ZNF804A: variants seen among roughly 807,000 people sequenced by gnomAD.
ZNF804A encodes zinc finger protein 804A.
Under a neutral mutation model 16.5 loss-of-function variants are expected in ZNF804A, and 2 were observed. The ratio of observed to expected loss-of-function variants is 0.12; its 90% CI spans 0.05 to 0.38. The LOEUF is 0.38. ZNF804A is among the 10% of genes least tolerant of loss of function. The probability of loss-of-function intolerance (pLI) is 0.99; values close to 1 mark genes in which losing one functional copy is unlikely to be tolerated. For missense variants in ZNF804A, 1,473 were observed against 1,390.7 expected, an observed-to-expected ratio of 1.06 and a Z score of -0.94; for synonymous variants, 534 against 489.6, an observed-to-expected ratio of 1.09 and a Z score of -1.20.
intron 1 of ZNF804A, among the ~76,000 whole-genome samples, chr2:184,710,438 C>G (rs1693107574): frequency 1.3e-5 from 2 of 151,460 alleles, no homozygotes; most frequent in Admixed American, 6.6e-5. Flanking sequence ...TGCCTTTAAA[C>G]CACATTCTGA....
At chr2:184,793,560 T>C (rs1694585995) in intron 1 of ZNF804A, among the ~76,000 whole-genome samples, 1 of 152,108 alleles carries the variant, frequency 6.6e-6, no homozygotes, top group Non-Finnish European at 1.5e-5. Flanking sequence ...TGTTGGCCAT[T>C]TGTATGTCTA....
At chr2:184,920,279 C>T (rs1237702197) in intron 2 of ZNF804A, among the ~76,000 whole-genome samples, 1 of 152,112 alleles carries the variant, frequency 6.6e-6, no homozygotes, top group East Asian at 1.9e-4. Context: ...CTTCTTTTCC[C>T]CACTCTTTTA....
At chr2:184,653,342 A>G (rs541617120) in intron 1 of ZNF804A, among the ~76,000 whole-genome samples, 1 of 152,280 alleles carries the variant, frequency 6.6e-6, no homozygotes, top group South Asian at 2.1e-4. Context: ...ATATCCACAA[A>G]GACTGTTAGG....
At chr2:184,656,141 C>T (rs1022235454) in intron 1 of ZNF804A, among the ~76,000 whole-genome samples, 2 of 151,978 alleles carry the variant, frequency 1.3e-5, no homozygotes, top group African/African-American at 4.8e-5. Flanking sequence ...GAATTTTTAA[C>T]CCACAGAGTG....
chr2:184,617,997 A>G (rs1410454691), intron 1 of ZNF804A, among the ~76,000 whole-genome samples: 1 of 151,982 alleles, frequency 6.6e-6, no homozygotes, highest in East Asian at 1.9e-4. Context: ...TAATTTATAC[A>G]TGTCTTGTGG....
intron 1 of ZNF804A, among the ~76,000 whole-genome samples, chr2:184,829,126 T>C (rs1172489320): frequency 6.6e-6 from 1 of 151,200 alleles, no homozygotes; most frequent in East Asian, 1.9e-4. Flanking sequence ...ACATGTATCA[T>C]ATATTATTTA....
At chr2:184,786,382 A>G (rs943207457) in intron 1 of ZNF804A, among the ~76,000 whole-genome samples, 2 of 152,086 alleles carry the variant, frequency 1.3e-5, no homozygotes, top group Non-Finnish European at 2.9e-5. Context: ...GACAAAGGAT[A>G]TGAACTACAG....
intron 1 of ZNF804A, among the ~76,000 whole-genome samples, chr2:184,705,655 A>G (rs1298270740): frequency 6.6e-6 from 1 of 152,092 alleles, no homozygotes; most frequent in Non-Finnish European, 1.5e-5. Flanking sequence ...CATGATTAAT[A>G]ATTTATTTCA....
At chr2:184,917,950 C>T (rs1685477469) in intron 2 of ZNF804A, among the ~76,000 whole-genome samples, 1 of 152,114 alleles carries the variant, frequency 6.6e-6, no homozygotes, top group Admixed American at 6.6e-5. Context: ...TTATCCTCAA[C>T]AAGCACCTCA....
chr2:184,802,784 T>G (rs924015046), intron 1 of ZNF804A, among the ~76,000 whole-genome samples: 1 of 152,216 alleles, frequency 6.6e-6, no homozygotes, highest in South Asian at 2.1e-4. Flanking sequence ...TTTAATTATT[T>G]TTAAATACTT....
chr2:184,727,802 G>A (rs1693437825), intron 1 of ZNF804A, among the ~76,000 whole-genome samples: 1 of 151,630 alleles, frequency 6.6e-6, no homozygotes, highest in African/African-American at 2.4e-5. Context: ...TATAAGAAGT[G>A]ATCAGTTTAT....
rs1685780705 is a variant in ZNF804A, at chr2:184,936,114, G to A, written c.718G>A (p.Ala240Thr). ...AGCCTTCTCTGAATACAGTGATGATGCCTCAGTGGGAAAAGGATTTAGCAG... is the reference window on the plus strand; with the variant it reads ...AGCCTTCTCTGAATACAGTGATGATACCTCAGTGGGAAAAGGATTTAGCAG... ...AAAFSEYSDDASVGKGFSRKS... is the reference protein window; with the variant it reads ...AAAFSEYSDDTSVGKGFSRKS... The change falls in exon 4 of 4, where the codon GCC becomes ACC. Residue 240 changes from alanine (A) to threonine (T), a missense_variant. Transcript: ENST00000302277. The A allele has an allele frequency of 1.2e-6, 2 of 1,613,926 alleles. No individual in the cohort carries two copies. Among genetic ancestry groups the A allele is most frequent in the South Asian group, 2.2e-5 (2 of 91,084 alleles).
intron 1 of ZNF804A, among the ~76,000 whole-genome samples, chr2:184,655,730 G>T (rs1692065234): frequency 6.6e-6 from 1 of 151,880 alleles, no homozygotes; most frequent in Admixed American, 6.6e-5. Flanking sequence ...TAAGCAGTCA[G>T]TATTATTGAG....
At chr2:184,621,790 A>G (rs1398500166) in intron 1 of ZNF804A, among the ~76,000 whole-genome samples, 3 of 151,820 alleles carry the variant, frequency 2.0e-5, no homozygotes, top group Non-Finnish European at 4.4e-5. Flanking sequence ...TTTATAATGT[A>G]TAGAAATGCT....
At chr2:184,735,755 A>G (rs1402513290) in intron 1 of ZNF804A, among the ~76,000 whole-genome samples, 1 of 152,204 alleles carries the variant, frequency 6.6e-6, no homozygotes, top group Non-Finnish European at 1.5e-5. Context: ...AGCAGTGTTC[A>G]TATCAGTGCT....
intron 1 of ZNF804A, among the ~76,000 whole-genome samples, chr2:184,736,455 G>A (rs1157770707): frequency 3.3e-5 from 5 of 152,082 alleles, no homozygotes; most frequent in South Asian, 2.1e-4. Flanking sequence ...TTGCAGAGAC[G>A]TGGATGAAGC....
intron 1 of ZNF804A, among the ~76,000 whole-genome samples, chr2:184,840,225 C>A (rs1695415389): frequency 6.6e-6 from 1 of 152,052 alleles, no homozygotes; most frequent in Non-Finnish European, 1.5e-5. Context: ...CTCATCTCCA[C>A]TAAAAAACAC....
intron 2 of ZNF804A, among the ~76,000 whole-genome samples, chr2:184,869,808 A>G (rs534146734): frequency 6.6e-6 from 1 of 152,044 alleles, no homozygotes; most frequent in Non-Finnish European, 1.5e-5. Flanking sequence ...CAAATCTGTT[A>G]TGACAGAATA....
At chr2:184,625,606 A>G (rs1187112422) in intron 1 of ZNF804A, among the ~76,000 whole-genome samples, 2 of 152,184 alleles carry the variant, frequency 1.3e-5, no homozygotes, top group African/African-American at 4.8e-5. Context: ...TAAGATGAAT[A>G]TATTTTCATA....
Sources: allele counts gnomAD v4.1 joint callset (sites outside exome capture counted in the v4.1 genomes callset), GRCh38; gene constraint gnomAD v4.1.1; transcripts MANE v1.5; gene names NCBI Gene and HGNC (gene_info 2026-07-23, HGNC 2026-07-21).